PVT1: variants seen among roughly 807,000 people sequenced by gnomAD.
PVT1 encodes Pvt1 oncogene, also known as CXCR4/PVT1 fusion.
intron 3 of PVT1, among the ~76,000 whole-genome samples, chr8:127,988,621 C>A (rs1816996179): frequency 6.6e-6 from 1 of 152,182 alleles, no homozygotes; most frequent in Non-Finnish European, 1.5e-5. Flanking sequence ...GCATGATGTC[C>A]ACTGAACACA....
At position 128,035,084 on chromosome 8, in the gene PVT1, G is replaced by A. The variant is rs188467158; in HGVS notation, n.913-35076G>A. ...GGGGCAATAAAAGCATTTGTGGCAA[G>A]GATCCAGTTATTTGCAGGCTTCTCT... On this transcript the variant is annotated intron_variant and non_coding_transcript_variant, in intron 4 of 10. Transcript: ENST00000651587. Among the ~76,000 whole-genome samples the A allele has an allele frequency of 2.3e-3, 347 of 152,326 alleles. 1 individual carries two copies. Among genetic ancestry groups the A allele is most frequent in the African/African-American group, 7.4e-3 (307 of 41,576 alleles).
At chr8:127,891,381 T>G (rs752883774) in intron 3 of PVT1, among the ~76,000 whole-genome samples, 3 of 152,094 alleles carry the variant, frequency 2.0e-5, no homozygotes, top group African/African-American at 7.2e-5. Context: ...AAGATATGCA[T>G]GGGGGGATAA....
intron 4 of PVT1, among the ~76,000 whole-genome samples, chr8:128,046,476 T>C (rs2720711): frequency 0.022 from 3,422 of 152,330 alleles, 107 homozygotes; most frequent in African/African-American, 0.07. Context: ...TGTGGAATGT[T>C]CTTAGAACTG....
intron 2 of PVT1, among the ~76,000 whole-genome samples, chr8:127,814,923 A>T (rs138904191): frequency 6.6e-6 from 1 of 152,064 alleles, no homozygotes; most frequent in Non-Finnish European, 1.5e-5. Flanking sequence ...CATAGTATTC[A>T]TCCTTTTGTG....
intron 2 of PVT1, among the ~76,000 whole-genome samples, chr8:127,820,646 C>G (rs745672242): frequency 6.6e-6 from 1 of 151,864 alleles, no homozygotes; most frequent in South Asian, 2.1e-4. Flanking sequence ...AGTTCTGGCC[C>G]CTGCTGACTG....
chr8:127,825,461 T>C (rs1814776963), intron 2 of PVT1, among the ~76,000 whole-genome samples: 1 of 152,190 alleles, frequency 6.6e-6, no homozygotes, highest in South Asian at 2.1e-4. Context: ...TCAGCATTTG[T>C]CACTATTTTT....
At chr8:127,834,336 A>G (rs563102985) in intron 2 of PVT1, among the ~76,000 whole-genome samples, 13 of 152,310 alleles carry the variant, frequency 8.5e-5, no homozygotes, top group Admixed American at 3.3e-4. Context: ...TTCCCTATTT[A>G]ATAATGGTGT....
At chr8:127,988,996 C>T (rs927867214) in intron 3 of PVT1, among the ~76,000 whole-genome samples, 4 of 152,198 alleles carry the variant, frequency 2.6e-5, no homozygotes, top group African/African-American at 9.7e-5. Context: ...TAACACAGTG[C>T]TTGCCACATA....
At chr8:127,821,378 GA>G (rs1390949063) in intron 2 of PVT1, among the ~76,000 whole-genome samples, 1 of 152,060 alleles carries the variant, frequency 6.6e-6, no homozygotes, top group Non-Finnish European at 1.5e-5. Context: ...TTAAAAAAAA[GA>G]AAAAATTCAT....
At chr8:127,835,958 C>G (rs986310674) in intron 2 of PVT1, among the ~76,000 whole-genome samples, 5 of 152,192 alleles carry the variant, frequency 3.3e-5, no homozygotes, top group South Asian at 2.1e-4. Context: ...CCCTGACACC[C>G]TTCCCTGGGC....
At chr8:128,092,930 C>T (rs1236266883) in intron 5 of PVT1, among the ~76,000 whole-genome samples, 1 of 152,196 alleles carries the variant, frequency 6.6e-6, no homozygotes, top group Non-Finnish European at 1.5e-5. Flanking sequence ...GTTCTTTCTG[C>T]TTCTTGCTGC....
At chr8:127,980,922 G>C (rs1015580027) in intron 3 of PVT1, among the ~76,000 whole-genome samples, 1 of 150,794 alleles carries the variant, frequency 6.6e-6, no homozygotes, top group African/African-American at 2.4e-5. Flanking sequence ...TCAGCCTCTT[G>C]AGTAGGTGGG....
chr8:127,895,715 T>G (rs4733804), intron 3 of PVT1, among the ~76,000 whole-genome samples: 35,968 of 152,108 alleles, frequency 0.24, 5,081 homozygotes, highest in Middle Eastern at 0.37. Flanking sequence ...TACGTTTAGC[T>G]CTGAGCTTCC....
At chr8:127,970,214 C>T (rs542642286) in intron 3 of PVT1, among the ~76,000 whole-genome samples, 4 of 149,954 alleles carry the variant, frequency 2.7e-5, no homozygotes, top group South Asian at 4.2e-4. Context: ...TCCTCAGACC[C>T]TCAGGGGGCA....
intron 2 of PVT1, among the ~76,000 whole-genome samples, chr8:127,869,196 G>T (rs10808559): frequency 0.7 from 106,555 of 151,904 alleles, 38,283 homozygotes; most frequent in African/African-American, 0.87. Context: ...AATGGCATGA[G>T]TTCGGCTCAC....
chr8:128,100,819 T>G (rs1401650686), intron 6 of PVT1, among the ~76,000 whole-genome samples: 3 of 152,188 alleles, frequency 2.0e-5, no homozygotes, highest in Non-Finnish European at 2.9e-5. Flanking sequence ...CAGCCACTTT[T>G]GTAAAGCTGT....
chr8:127,848,148 T>C lies in PVT1; in HGVS notation n.373-42441T>C, dbSNP rs1321982469. Among the ~76,000 whole-genome samples the C allele has an allele frequency of 4.6e-5, 7 of 152,220 alleles. No homozygotes were observed. The East Asian group carries it at 1.3e-3, about 29-fold the overall frequency. On this transcript the variant is annotated intron_variant and non_coding_transcript_variant, in intron 2 of 10. Transcript: ENST00000651587. The stretch of plus-strand genomic sequence containing the variant: ...CCTTGTCATGATTAGGCTGGGGTTA[T>C]GCATTTTTAGGAGGGAGACCCCAGA...
At chr8:127,903,593 T>C (rs1815785190) in intron 3 of PVT1, among the ~76,000 whole-genome samples, 1 of 152,210 alleles carries the variant, frequency 6.6e-6, no homozygotes, top group Non-Finnish European at 1.5e-5. Flanking sequence ...TGTTGAGTTA[T>C]TTTTTGTGTG....
chr8:127,880,356 T>A (rs1815451171), intron 2 of PVT1, among the ~76,000 whole-genome samples: 1 of 151,810 alleles, frequency 6.6e-6, no homozygotes, highest in African/African-American at 2.4e-5. Flanking sequence ...AGTGGCATGA[T>A]CTTGGCTCAC....
Sources: gnomAD v4.1 joint callset for allele counts (sites outside exome capture counted in the v4.1 genomes callset) on GRCh38, gnomAD v4.1.1 for gene constraint, MANE v1.5 for transcripts, NCBI Gene and HGNC (gene_info 2026-07-23, HGNC 2026-07-21) for gene names.